TIAM1: variants seen among roughly 807,000 people sequenced by gnomAD.
TIAM1 encodes the protein rho guanine nucleotide exchange factor TIAM1.
TIAM1 carries 65 observed loss-of-function variants against 163.5 expected under a neutral mutation model. The ratio of observed to expected loss-of-function variants is 0.40; its 90% CI spans 0.33 to 0.49. TIAM1 has a LOEUF of 0.49. Ranked by LOEUF, TIAM1 falls within the 20% of genes least tolerant of loss-of-function variation. The pLI, the probability that TIAM1 is intolerant of heterozygous loss-of-function variation, is 0.77. For missense variants in TIAM1, 1,789 were observed against 2,044.7 expected (o/e 0.87, Z 2.41); for synonymous variants, 833 against 810.1 (o/e 1.03, Z -0.48).
chr21:31,363,361 A>G (rs1285831179), intron 2 of TIAM1, among the ~76,000 whole-genome samples: 4 of 151,882 alleles, frequency 2.6e-5, no homozygotes, highest in African/African-American at 7.3e-5. Flanking sequence ...CCCTAAATCA[A>G]CTTAGGTTTC....
chr21:31,182,415 C>A lies in TIAM1; in HGVS notation c.2887+6G>T. On this transcript the variant is annotated splice_donor_region_variant and intron_variant, in intron 15 of 27. Transcript: ENST00000541036. ...GACTCGCCCCCAGCACCCTGCACAG[C>A]CATACCTGGGTTGCTGGTGAGAAAG... 6.4e-7 allele frequency: 1 copy of A among 1,554,998 alleles called. No homozygotes were observed.
At chr21:31,535,919 C>A (rs2048117955) in intron 1 of TIAM1, among the ~76,000 whole-genome samples, 1 of 152,102 alleles carries the variant, frequency 6.6e-6, no homozygotes, top group African/African-American at 2.4e-5. Context: ...GACAAAACAC[C>A]AGAATGAGCC....
chr21:31,457,478 C>T lies in TIAM1; in HGVS notation c.-369+6505G>A, dbSNP rs544385811. Among the ~76,000 whole-genome samples, 54 of 152,302 alleles carry T rather than the reference C, an allele frequency of 3.5e-4. 1 individual carries two copies. In the South Asian group the frequency reaches 0.011, roughly 31 times the overall value. On this transcript the variant is annotated intron_variant, in intron 2 of 28. Coordinates refer to the TIAM1 transcript ENST00000286827. ...TCTGTGATTTTAACCATCAAACACACTTCAATATATTAGTGAAGAGCAACA... is the reference window on the plus strand; with the variant it reads ...TCTGTGATTTTAACCATCAAACACATTTCAATATATTAGTGAAGAGCAACA...
chr21:31,199,349 G>T (rs1488400774), intron 12 of TIAM1, among the ~76,000 whole-genome samples: 11 of 151,922 alleles, frequency 7.2e-5, no homozygotes. Flanking sequence ...TTTCTCTCTG[G>T]GGTTTCCTAT....
intron 2 of TIAM1, among the ~76,000 whole-genome samples, chr21:31,427,695 G>C (rs1290714941): frequency 6.6e-6 from 1 of 151,854 alleles, no homozygotes; most frequent in Non-Finnish European, 1.5e-5. Flanking sequence ...ATAGCTAGGT[G>C]TGGTGGTGTG....
chr21:31,404,542 T>A (rs1196262577), intron 2 of TIAM1, among the ~76,000 whole-genome samples: 1 of 152,050 alleles, frequency 6.6e-6, no homozygotes, highest in East Asian at 1.9e-4. Context: ...TGGTCTTTTT[T>A]TTTTTTTTTA....
intron 15 of TIAM1, among the ~76,000 whole-genome samples, chr21:31,172,863 A>C (rs2084582166): frequency 6.6e-6 from 1 of 151,386 alleles, no homozygotes; most frequent in African/African-American, 2.4e-5. Context: ...AGAAACCCCA[A>C]CTCTATTTGA....
chr21:31,450,909 C>G (rs516309), intron 2 of TIAM1, among the ~76,000 whole-genome samples: 1 of 151,886 alleles, frequency 6.6e-6, no homozygotes, highest in Non-Finnish European at 1.5e-5. Context: ...GTGGGAATTA[C>G]GGGAGCTACA....
chr21:31,522,028 C>T (rs544079844), intron 1 of TIAM1, among the ~76,000 whole-genome samples: 6 of 151,920 alleles, frequency 3.9e-5, no homozygotes, highest in Admixed American at 2.0e-4. Context: ...CCTGCAACCA[C>T]GCCCGGATAA....
chr21:31,265,022 T>C (rs567579078), intron 4 of TIAM1, among the ~76,000 whole-genome samples: 1 of 152,218 alleles, frequency 6.6e-6, no homozygotes, highest in African/African-American at 2.4e-5. Flanking sequence ...TTCTTTCTTT[T>C]ATTGACACAG....
At chr21:31,446,142 T>C (rs1216753543) in intron 2 of TIAM1, among the ~76,000 whole-genome samples, 1 of 152,224 alleles carries the variant, frequency 6.6e-6, no homozygotes, top group African/African-American at 2.4e-5. Context: ...GGTTTCACCA[T>C]GTTGGCCAGG....
chr21:31,428,882 CA>C (rs56402509), intron 2 of TIAM1, among the ~76,000 whole-genome samples: 16,560 of 123,544 alleles, frequency 0.13, 1,338 homozygotes, highest in African/African-American at 0.27. Flanking sequence ...GACCCTGTCT[CA>C]AAAAAAAAAA....
intron 2 of TIAM1, among the ~76,000 whole-genome samples, chr21:31,393,098 G>A (rs2076996109): frequency 6.6e-6 from 1 of 151,970 alleles, no homozygotes; most frequent in South Asian, 2.1e-4. Context: ...TGGGACTACA[G>A]GTGCCCACCA....
At chr21:31,156,712 T>A (rs1338401878) in intron 16 of TIAM1, among the ~76,000 whole-genome samples, 1 of 152,114 alleles carries the variant, frequency 6.6e-6, no homozygotes, top group Non-Finnish European at 1.5e-5. Context: ...TATAACACAG[T>A]CATAATGAGA....
chr21:31,493,785 C>T (rs920630847), intron 1 of TIAM1, among the ~76,000 whole-genome samples: 17 of 152,266 alleles, frequency 1.1e-4, no homozygotes, highest in Non-Finnish European at 1.6e-4. Flanking sequence ...CAGCTGGTGG[C>T]GTCTGCACTC....
chr21:31,423,544 C>T (rs2043660637), intron 2 of TIAM1, among the ~76,000 whole-genome samples: 1 of 152,034 alleles, frequency 6.6e-6, no homozygotes, highest in African/African-American at 2.4e-5. Context: ...TACTAATTCA[C>T]TTAATGTCCA....
chr21:31,541,434 G>GCAA (rs1339855031), intron 1 of TIAM1, among the ~76,000 whole-genome samples: 2 of 152,038 alleles, frequency 1.3e-5, no homozygotes, highest in African/African-American at 4.8e-5. Context: ...TCCAGCCTGG[G>GCAA]CAACAGAGTG....
chr21:31,294,028 T>C (rs568390273), intron 2 of TIAM1, among the ~76,000 whole-genome samples: 1 of 152,298 alleles, frequency 6.6e-6, no homozygotes, highest in South Asian at 2.1e-4. Context: ...GCTCTAGTCT[T>C]GGATCTGAAA....
At chr21:31,228,220 T>TTTAA (rs1569068474) in intron 6 of TIAM1, among the ~76,000 whole-genome samples, 5 of 16,262 alleles carry the variant, frequency 3.1e-4, no homozygotes, top group African/African-American at 9.2e-4. Flanking sequence ...CTCCTTTTTT[T>TTTAA]AAAAAAAAAA....
Sources: allele counts gnomAD v4.1 joint callset (sites outside exome capture counted in the v4.1 genomes callset), GRCh38; gene constraint gnomAD v4.1.1; transcripts MANE v1.5; gene names NCBI Gene and HGNC (gene_info 2026-07-23, HGNC 2026-07-21).